The following SEL1L2 variants were observed in gnomAD, a reference collection of about 807,000 sequenced individuals.
The protein encoded by SEL1L2 is SEL1L2 adaptor subunit of SYVN1 ubiquitin ligase, also known as protein sel-1 homolog 2.
SEL1L2 carries 89 observed loss-of-function variants against 98.8 expected under a neutral mutation model. That is an observed-to-expected ratio of 0.90 (90% confidence interval 0.76 to 1.07). The LOEUF (loss-of-function observed/expected upper bound fraction) is 1.07, where lower values mean the gene tolerates loss of function less well. Among genes scored for constraint, SEL1L2 ranks in the 50% least tolerant of loss-of-function variants. SEL1L2 has a pLI of 0.00. For synonymous variants in SEL1L2, 262 were observed against 278.5 expected (o/e 0.94, Z 0.59); for missense variants, 788 against 812.0 (o/e 0.97, Z 0.36).
At chr20:13,858,352 T>A (rs1223001501) in intron 18 of SEL1L2, among the ~76,000 whole-genome samples, 1 of 151,862 alleles carries the variant, frequency 6.6e-6, no homozygotes, top group African/African-American at 2.4e-5. Flanking sequence ...CAAGAATGAC[T>A]CACTGCGAGG....
chr20:13,974,398 T>C (rs892839406), intron 1 of SEL1L2, among the ~76,000 whole-genome samples: 6 of 151,960 alleles, frequency 3.9e-5, no homozygotes, highest in Middle Eastern at 3.2e-3. Context: ...GTAGTGGCGG[T>C]TGAGAGGGGA....
intron 1 of SEL1L2, among the ~76,000 whole-genome samples, chr20:13,959,001 G>C (rs374056780): frequency 6.1e-4 from 93 of 151,664 alleles, no homozygotes; most frequent in African/African-American, 2.2e-3. Flanking sequence ...ATCGGAAATT[G>C]ACAACGACCA....
intron 2 of SEL1L2, among the ~76,000 whole-genome samples, chr20:13,937,631 A>G (rs2049521397): frequency 2.0e-5 from 3 of 152,170 alleles, no homozygotes; most frequent in African/African-American, 7.2e-5. Context: ...TAAGGAGCAA[A>G]ATTCTGCAAC....
intron 1 of SEL1L2, among the ~76,000 whole-genome samples, chr20:13,970,775 T>A: frequency 6.6e-6 from 1 of 152,062 alleles, no homozygotes; most frequent in East Asian, 1.9e-4. Context: ...GAGTTTGCAG[T>A]AGGCCAAGGT....
chr20:13,920,938 T>G (rs1321944604), intron 3 of SEL1L2, among the ~76,000 whole-genome samples: 1 of 152,202 alleles, frequency 6.6e-6, no homozygotes, highest in Non-Finnish European at 1.5e-5. Flanking sequence ...AGGATCTAAT[T>G]TCTGCTCTGA....
chr20:13,931,164 C>A (rs1229413814), intron 3 of SEL1L2, among the ~76,000 whole-genome samples: 2 of 151,838 alleles, frequency 1.3e-5, no homozygotes, highest in African/African-American at 4.8e-5. Flanking sequence ...CTGCCTCAGC[C>A]TCCCGAGTAG....
At chr20:13,918,875 A>ATCCT in intron 4 of SEL1L2, 146 bp downstream of exon 4, 2 of 606,228 alleles carry the variant, frequency 3.3e-6, no homozygotes. Context: ...TTTAAACACA[A>ATCCT]TTTGATCCTT....
upstream of SEL1L2, among the ~76,000 whole-genome samples, chr20:13,992,316 C>A (rs2052560539): frequency 6.6e-6 from 1 of 151,976 alleles, no homozygotes; most frequent in African/African-American, 2.4e-5. Context: ...CCAGCCTGGC[C>A]AACATGGTGA....
intron 1 of SEL1L2, among the ~76,000 whole-genome samples, chr20:13,957,364 A>AG (rs1414184376): frequency 6.6e-6 from 1 of 152,314 alleles, no homozygotes; most frequent in East Asian, 1.9e-4. Context: ...AGCCTCCCAA[A>AG]GTGCTGGGAT....
upstream of SEL1L2, among the ~76,000 whole-genome samples, chr20:13,991,154 C>T (rs1398576226): frequency 2.6e-5 from 4 of 152,114 alleles, no homozygotes; most frequent in African/African-American, 4.8e-5. Flanking sequence ...CAAGTGGTAC[C>T]TTCAAAGCTA....
chr20:13,877,418 A>C, intron 11 of SEL1L2, 102 bp downstream of exon 11: 1 of 874,566 alleles, frequency 1.1e-6, no homozygotes, highest in Non-Finnish European at 1.8e-6. Context: ...TTTCCACCTC[A>C]ACTTCCCAAG....
chr20:13,893,839 A>T (rs2047312384), intron 5 of SEL1L2, among the ~76,000 whole-genome samples: 1 of 152,188 alleles, frequency 6.6e-6, no homozygotes, highest in African/African-American at 2.4e-5. Context: ...TCTTTTCCAA[A>T]CCCAATGGAA....
chr20:13,944,060 G>T (rs2049902417), intron 2 of SEL1L2, among the ~76,000 whole-genome samples: 1 of 152,124 alleles, frequency 6.6e-6, no homozygotes. Flanking sequence ...TGGCTTGAAG[G>T]TTGGGTCTCA....
Position 13,919,034 on chromosome 20 carries a change from T to C in SEL1L2, c.373A>G (p.Lys125Glu), listed in dbSNP as rs773864865. Reference sequence around the variant, plus strand: ...ATAAAGACTTACTCTTCTTTTTGTTTTTGGCTTTTAGACTGCTGGAGAACC... The same window carrying C: ...ATAAAGACTTACTCTTCTTTTTGTTCTTGGCTTTTAGACTGCTGGAGAACC... The part of the protein sequence containing the change: ...IKVLQQSKSQ[K>E]QKEEAYLLFA... The change falls in exon 4 of 20, where the codon AAA (lysine) becomes GAA (glutamate). Residue 125 changes from lysine to glutamate, a missense_variant. By Grantham distance (56) the Lys-to-Glu change is moderately conservative. Transcript: ENST00000284951. The C allele has an allele frequency of 6.2e-7, 1 of 1,611,388 alleles. No homozygotes were observed. The highest frequency in any genetic ancestry group is 8.5e-7 in the Non-Finnish European group (1 of 1,178,562).
At chr20:13,882,055 G>A (rs553981438) in intron 10 of SEL1L2, among the ~76,000 whole-genome samples, 2 of 152,078 alleles carry the variant, frequency 1.3e-5, no homozygotes, top group South Asian at 2.1e-4. Context: ...AATATATTAT[G>A]TAATGATCAA....
intron 3 of SEL1L2, among the ~76,000 whole-genome samples, chr20:13,922,708 A>G (rs1389642001): frequency 6.6e-6 from 1 of 152,122 alleles, no homozygotes; most frequent in Non-Finnish European, 1.5e-5. Flanking sequence ...CTCACTTGTT[A>G]ATTTTTTTTA....
chr20:13,937,497 T>C (rs369879679), intron 2 of SEL1L2, among the ~76,000 whole-genome samples: 28 of 152,282 alleles, frequency 1.8e-4, no homozygotes, highest in African/African-American at 6.3e-4. Flanking sequence ...AGGAACTCCA[T>C]CTCGCTTTGC....
intron 3 of SEL1L2, among the ~76,000 whole-genome samples, chr20:13,923,698 G>A (rs894122655): frequency 5.9e-5 from 9 of 152,140 alleles, no homozygotes; most frequent in Admixed American, 2.6e-4. Context: ...AGTTTGCAGT[G>A]GGCCGAGATT....
chr20:13,855,714 C>G (rs1252644304), intron 18 of SEL1L2, among the ~76,000 whole-genome samples: 3 of 152,210 alleles, frequency 2.0e-5, no homozygotes, highest in Admixed American at 6.5e-5. Context: ...GCGCCTTCAG[C>G]CAATGGATGG....
Sources: gnomAD v4.1 joint callset for allele counts (sites outside exome capture counted in the v4.1 genomes callset) on GRCh38, gnomAD v4.1.1 for gene constraint, MANE v1.5 for transcripts, NCBI Gene and HGNC (gene_info 2026-07-23, HGNC 2026-07-21) for gene names.